Variants in ADAMTSL1 observed in about 807,000 individuals in gnomAD.
ADAMTSL1 encodes ADAMTS like 1, also known as ADAMTS-like protein 1.
ADAMTSL1 carries 126 observed loss-of-function variants against 201.8 expected under a neutral mutation model. The ratio of observed to expected loss-of-function variants is 0.62; its 90% CI spans 0.54 to 0.72. ADAMTSL1 has a LOEUF of 0.72. ADAMTSL1 is among the 30% of genes least tolerant of loss of function. The probability of loss-of-function intolerance (pLI) is 0.00; values close to 1 mark genes in which losing one functional copy is unlikely to be tolerated. For synonymous variants in ADAMTSL1, 1,121 were observed against 903.4 expected, an observed-to-expected ratio of 1.24 and a Z score of -4.32; for missense variants, 2,679 against 2,277.8, an observed-to-expected ratio of 1.18 and a Z score of -3.59.
chr9:18,599,347 C>G (rs1240508451), intron 4 of ADAMTSL1, among the ~76,000 whole-genome samples: 1 of 152,162 alleles, frequency 6.6e-6, no homozygotes, highest in Non-Finnish European at 1.5e-5. Flanking sequence ...CCTGTCTTTT[C>G]CTTTCTGAAG....
At chr9:18,314,104 G>T (rs980632410) in intron 2 of ADAMTSL1, among the ~76,000 whole-genome samples, 4 of 152,056 alleles carry the variant, frequency 2.6e-5, no homozygotes, top group Non-Finnish European at 5.9e-5. Flanking sequence ...TAATCAGTAG[G>T]GAAGTGCAAA....
rs375208540 is a variant in ADAMTSL1, at chr9:18,154,264, C to T, written c.88-9598C>T. On this transcript the variant is annotated intron_variant, in intron 1 of 29. Transcript: ENST00000680146. Reference sequence around the variant, plus strand: ...CCAACCCAAACGTAGTGGTTTAAAACAGTATTATCATTATGTCCCATAATT... The same window carrying T: ...CCAACCCAAACGTAGTGGTTTAAAATAGTATTATCATTATGTCCCATAATT... Among the ~76,000 whole-genome samples, 4 of 152,112 alleles carry T rather than the reference C, an allele frequency of 2.6e-5. No individual in the cohort carries two copies. In the East Asian group the frequency reaches 5.8e-4, roughly 22 times the overall value.
rs538002430 is a variant in ADAMTSL1 at position 18,114,798 on chromosome 9, A to G, written c.88-49064A>G. Among the ~76,000 whole-genome samples the G allele has an allele frequency of 1.6e-4, 24 of 152,286 alleles. 1 individual carries two copies. In the South Asian group the frequency reaches 2.3e-3, roughly 14 times the overall value. On this transcript the variant is annotated intron_variant, in intron 1 of 29. Transcript: ENST00000680146. ...AATGACTTTTGCACATGCAGGAAAA[A>G]GCACGTCTAAAGACAGTGGTGAAGG...
chr9:18,337,673 G>T (rs2132945250), intron 2 of ADAMTSL1, among the ~76,000 whole-genome samples: 1 of 152,238 alleles, frequency 6.6e-6, no homozygotes. Context: ...TACACTATGA[G>T]CTAAGGTTTA....
intron 1 of ADAMTSL1, among the ~76,000 whole-genome samples, chr9:17,930,103 A>G (rs1190438869): frequency 1.3e-5 from 2 of 152,212 alleles, no homozygotes; most frequent in African/African-American, 4.8e-5. Flanking sequence ...AATATTAGCT[A>G]CTATAGTAGA....
chr9:18,264,652 G>A (rs1832050307), intron 2 of ADAMTSL1, among the ~76,000 whole-genome samples: 1 of 152,152 alleles, frequency 6.6e-6, no homozygotes, highest in African/African-American at 2.4e-5. Flanking sequence ...ATGCCACAGG[G>A]AATTTCCACT....
At chr9:18,601,695 G>A (rs10963663) in intron 4 of ADAMTSL1, among the ~76,000 whole-genome samples, 6,540 of 151,932 alleles carry the variant, frequency 0.043, 183 homozygotes, top group East Asian at 0.12. Context: ...TTAAATATGT[G>A]TAGCATATAT....
At chr9:18,107,198 T>C (rs1397352601) in intron 1 of ADAMTSL1, among the ~76,000 whole-genome samples, 2 of 152,212 alleles carry the variant, frequency 1.3e-5, no homozygotes, top group East Asian at 3.9e-4. Context: ...CTCTTGTGAT[T>C]TGGAGATAGA....
In ADAMTSL1 at chr9:18,728,881, A is replaced by T. The variant is rs181670930; in HGVS notation, c.2006+7216A>T. Among the ~76,000 whole-genome samples the T allele has an allele frequency of 4.0e-4, 61 of 152,322 alleles. 1 individual carries two copies. Among genetic ancestry groups the T allele is most frequent in the African/African-American group, 1.4e-3 (59 of 41,564 alleles). ...ATGGGCACTGAAGAGCCATTGAAGG[A>T]TATTAGCCAGGGGTGTGGAACCGTC... On this transcript the variant is annotated intron_variant, in intron 15 of 28. Transcript: ENST00000380548.
intron 3 of ADAMTSL1, 112 bp from the exon 4 acceptor site, chr9:18,573,918 C>T (rs1438115417): frequency 5.3e-6 from 4 of 761,274 alleles, no homozygotes; most frequent in Non-Finnish European, 6.5e-6. Context: ...CTATCATGAC[C>T]AGGACATTTG....
At chr9:18,334,484 C>T (rs957996238) in intron 2 of ADAMTSL1, among the ~76,000 whole-genome samples, 6 of 152,166 alleles carry the variant, frequency 3.9e-5, no homozygotes, top group African/African-American at 7.2e-5. Flanking sequence ...CTGCTGTTTG[C>T]ACTTTAATTC....
intron 1 of ADAMTSL1, among the ~76,000 whole-genome samples, chr9:17,976,506 T>C (rs149264580): frequency 6.6e-6 from 1 of 152,184 alleles, no homozygotes; most frequent in African/African-American, 2.4e-5. Context: ...GGGATTGTTT[T>C]CTCAAAACAA....
intron 2 of ADAMTSL1, among the ~76,000 whole-genome samples, chr9:18,294,019 T>C (rs772980182): frequency 1.3e-5 from 2 of 152,170 alleles, no homozygotes; most frequent in Non-Finnish European, 2.9e-5. Context: ...CTCAGAACCA[T>C]GAATCTAAGT....
chr9:17,921,958 C>T (rs1367817184), intron 1 of ADAMTSL1, among the ~76,000 whole-genome samples: 2 of 152,026 alleles, frequency 1.3e-5, no homozygotes, highest in African/African-American at 4.8e-5. Flanking sequence ...TTATTTTATA[C>T]ATTTTGACAT....
At chr9:18,713,387 A>G (rs1417492463) in intron 14 of ADAMTSL1, among the ~76,000 whole-genome samples, 1 of 152,240 alleles carries the variant, frequency 6.6e-6, no homozygotes, top group Non-Finnish European at 1.5e-5. Context: ...TAGGCTCAAA[A>G]TAAAAGGATG....
In ADAMTSL1 at chr9:18,662,144, T is replaced by A. The variant is rs902412890; in HGVS notation, c.1085+71T>A. On this transcript the variant is annotated intron_variant, in intron 9 of 28. Coordinates refer to ENST00000380548, the MANE Select transcript of ADAMTSL1 (RefSeq NM_001040272.6). Reference sequence around the variant, plus strand: ...TCCAAATAGGTTATTTAAATTAAAATGAAACGTTTTAATTAAAAATAAAAT... The same window carrying A: ...TCCAAATAGGTTATTTAAATTAAAAAGAAACGTTTTAATTAAAAATAAAAT... 2.6e-6 allele frequency: 4 copies of A among 1,523,570 alleles called. No homozygotes were observed. In the African/African-American group the frequency reaches 5.6e-5, roughly 21 times the overall value. 94.4% of individuals were successfully genotyped at this position (1,523,570 alleles called of 1,614,324 possible).
At chr9:18,541,915 T>C (rs1306475636) in intron 3 of ADAMTSL1, among the ~76,000 whole-genome samples, 1 of 152,220 alleles carries the variant, frequency 6.6e-6, no homozygotes, top group Non-Finnish European at 1.5e-5. Flanking sequence ...TTCTTCCAAA[T>C]TATCTTGTTA....
intron 2 of ADAMTSL1, among the ~76,000 whole-genome samples, chr9:18,525,158 G>A (rs567098078): frequency 6.6e-6 from 1 of 152,104 alleles, no homozygotes; most frequent in Non-Finnish European, 1.5e-5. Flanking sequence ...CTTCTTCCTG[G>A]TTTAGTCTTG....
intron 2 of ADAMTSL1, among the ~76,000 whole-genome samples, chr9:18,462,159 A>G (rs1400863284): frequency 6.6e-6 from 1 of 152,216 alleles, no homozygotes; most frequent in East Asian, 1.9e-4. Flanking sequence ...TGCTTAAGGT[A>G]TACAGAATAT....
Sources: allele counts gnomAD v4.1 joint callset (sites outside exome capture counted in the v4.1 genomes callset), GRCh38; gene constraint gnomAD v4.1.1; transcripts MANE v1.5; gene names NCBI Gene and HGNC (gene_info 2026-07-23, HGNC 2026-07-21).